The following KSR2 variants were observed in gnomAD, a reference collection of about 807,000 sequenced individuals.
KSR2 encodes kinase suppressor of ras 2.
A neutral mutation model predicts 107.8 loss-of-function variants in KSR2; 25 were observed. The observed-to-expected ratio is 0.23, with a 90% CI of 0.17 to 0.32. The LOEUF (loss-of-function observed/expected upper bound fraction) is 0.32, where lower values mean the gene tolerates loss of function less well. Among genes scored for constraint, KSR2 ranks in the 10% least tolerant of loss-of-function variants. The pLI is 1.00. For synonymous variants in KSR2, 480 were observed against 507.0 expected (o/e 0.95, Z 0.71); for missense variants, 887 against 1,268.9 (o/e 0.70, Z 4.57).
chr12:117,789,906 A>G (rs945035391), intron 3 of KSR2, among the ~76,000 whole-genome samples: 2 of 152,184 alleles, frequency 1.3e-5, no homozygotes, highest in Non-Finnish European at 2.9e-5. Context: ...ACACACACAC[A>G]CAGCATGTCT....
intron 18 of KSR2, 125 bp downstream of exon 18, chr12:117,471,066 A>C: frequency 8.9e-7 from 1 of 1,128,512 alleles, no homozygotes; most frequent in Non-Finnish European, 1.2e-6. Context: ...CAAGGTTGGA[A>C]TGCATATTTT....
In KSR2 at chr12:117,787,250, C is replaced by G. The variant is rs375103229; in HGVS notation, c.473-25726G>C. ...TCAGTTTGGTCTTGTTCAGTCTTGGCTCTGTAGCATCTTGTGGGATACCAG... is the reference window on the plus strand; with the variant it reads ...TCAGTTTGGTCTTGTTCAGTCTTGGGTCTGTAGCATCTTGTGGGATACCAG... On this transcript the variant is annotated intron_variant, in intron 3 of 19. Transcript: ENST00000339824. Among the ~76,000 whole-genome samples, 17 of 152,254 alleles carry G rather than the reference C, an allele frequency of 1.1e-4. No individual in the cohort carries two copies. The East Asian group carries it at 3.1e-3, about 28-fold the overall frequency.
intron 1 of KSR2, among the ~76,000 whole-genome samples, chr12:117,869,258 G>A (rs1893576263): frequency 6.6e-6 from 1 of 152,050 alleles, no homozygotes; most frequent in Admixed American, 6.5e-5. Context: ...TATAATCCCA[G>A]CTACTCAGGA....
At chr12:117,853,514 C>CT (rs896537945) in intron 3 of KSR2, among the ~76,000 whole-genome samples, 3 of 151,790 alleles carry the variant, frequency 2.0e-5, no homozygotes, top group African/African-American at 7.3e-5. Flanking sequence ...AGCTAATTTT[C>CT]TTTTTTTGGT....
chr12:117,706,077 T>A lies in KSR2; in HGVS notation c.987-38419A>T, dbSNP rs1334578281. On this transcript the variant is annotated intron_variant, in intron 4 of 19. Transcript: ENST00000339824. The stretch of plus-strand genomic sequence containing the variant: ...TTTTTTTTTTGAGACGGAGTCCTGC[T>A]CTGTCGCCCAGGCTGGAGAGCAGTG... 2.1e-5 allele frequency among the ~76,000 whole-genome samples: 3 copies of A among 144,854 alleles called. No homozygotes were observed. The East Asian group carries it at 6.3e-4, about 30-fold the overall frequency.
rs1890852472 is a variant in KSR2 at position 117,802,088 on chromosome 12, G to C, written c.473-40564C>G. Among the ~76,000 whole-genome samples the C allele has an allele frequency of 2.0e-5, 3 of 152,128 alleles. No individual in the cohort carries two copies. In the South Asian group the frequency reaches 6.2e-4, roughly 32 times the overall value. On this transcript the variant is annotated intron_variant, in intron 3 of 19. Coordinates refer to ENST00000339824, the MANE Select transcript of KSR2 (RefSeq NM_173598.6). ...TCTGGAGATCAGAATTTCAAAATAG[G>C]TCTTACTAGGCAAAAATCAAGGTGT...
intron 9 of KSR2, among the ~76,000 whole-genome samples, chr12:117,540,680 G>C (rs1188361771): frequency 1.3e-5 from 2 of 152,106 alleles, no homozygotes; most frequent in African/African-American, 4.8e-5. Flanking sequence ...GGAGAGGAAA[G>C]TCATGTGAAG....
chr12:117,604,312 C>T lies in KSR2; in HGVS notation c.1172-21953G>A, dbSNP rs530168759. Reference sequence around the variant, plus strand: ...TACACTTCCCAGCATGTCAGAATGGCCACCCTGCCGGCTGCAAAGCTTTGT... The same window carrying T: ...TACACTTCCCAGCATGTCAGAATGGTCACCCTGCCGGCTGCAAAGCTTTGT... On this transcript the variant is annotated intron_variant, in intron 5 of 19. Coordinates refer to ENST00000339824, the MANE Select transcript of KSR2 (RefSeq NM_173598.6). Among the ~76,000 whole-genome samples the T allele has an allele frequency of 3.9e-5, 6 of 152,262 alleles. No individual in the cohort carries two copies. The South Asian group carries it at 1.2e-3, about 32-fold the overall frequency.
chr12:117,876,463 G>GC (rs1209068052), intron 1 of KSR2, among the ~76,000 whole-genome samples: 1 of 152,166 alleles, frequency 6.6e-6, no homozygotes, highest in Non-Finnish European at 1.5e-5. Flanking sequence ...GGAAGGAAGA[G>GC]CCCCCCTCTC....
chr12:117,611,445 G>GACACACACACACAGACACACACAC (rs1555221601), intron 5 of KSR2, among the ~76,000 whole-genome samples: 6 of 144,500 alleles, frequency 4.2e-5, no homozygotes, highest in African/African-American at 1.5e-4. Context: ...TGCACGCACA[G>GACACACACACACAGACACACACAC]ACACACACAC....
intron 16 of KSR2, among the ~76,000 whole-genome samples, chr12:117,481,432 C>CCT (rs767016474): frequency 6.6e-6 from 1 of 151,604 alleles, no homozygotes; most frequent in African/African-American, 2.4e-5. Flanking sequence ...ACATCAGAGA[C>CCT]CTCTCTCTCT....
chr12:117,692,531 C>T (rs1885873446), intron 4 of KSR2, among the ~76,000 whole-genome samples: 1 of 137,180 alleles, frequency 7.3e-6, no homozygotes, highest in Non-Finnish European at 1.6e-5. Flanking sequence ...TATACACACA[C>T]ACATATATAT....
intron 3 of KSR2, among the ~76,000 whole-genome samples, chr12:117,777,346 G>C (rs1295240195): frequency 1.3e-5 from 2 of 151,794 alleles, no homozygotes; most frequent in Non-Finnish European, 2.9e-5. Flanking sequence ...CTATGCTTTG[G>C]GGCCATTGTA....
chr12:117,490,009 A>G (rs1872663143), intron 14 of KSR2, among the ~76,000 whole-genome samples: 1 of 152,226 alleles, frequency 6.6e-6, no homozygotes, highest in Admixed American at 6.5e-5. Flanking sequence ...CTTAGGACCT[A>G]TATCACCTCC....
chr12:117,572,239 G>A (rs1291975475), intron 7 of KSR2, among the ~76,000 whole-genome samples: 1 of 152,190 alleles, frequency 6.6e-6, no homozygotes, highest in Non-Finnish European at 1.5e-5. Flanking sequence ...AGGTCCTCCA[G>A]CAGAGTACCC....
intron 4 of KSR2, among the ~76,000 whole-genome samples, chr12:117,757,809 GTATGGTA>G (rs1252895578): frequency 6.6e-6 from 1 of 152,192 alleles, no homozygotes; most frequent in Admixed American, 6.5e-5. Context: ...ATAGACTACA[GTATGGTA>G]TAAAACATAA....
chr12:117,776,169 C>G (rs573987294), intron 3 of KSR2, among the ~76,000 whole-genome samples: 33 of 152,198 alleles, frequency 2.2e-4, no homozygotes, highest in Admixed American at 1.2e-3. Flanking sequence ...AGCCCCAACC[C>G]CATATTCCTT....
chr12:117,710,949 T>C (rs1197519864), intron 4 of KSR2, among the ~76,000 whole-genome samples: 1 of 152,124 alleles, frequency 6.6e-6, no homozygotes, highest in Non-Finnish European at 1.5e-5. Flanking sequence ...CACTCCATTC[T>C]CCACTTGGCT....
intron 5 of KSR2, among the ~76,000 whole-genome samples, chr12:117,642,005 T>A (rs939600895): frequency 6.6e-6 from 1 of 152,182 alleles, no homozygotes; most frequent in East Asian, 1.9e-4. Context: ...CTGCCTTAAA[T>A]GCACTTCCAT....
Sources: allele counts gnomAD v4.1 joint callset (sites outside exome capture counted in the v4.1 genomes callset), GRCh38; gene constraint gnomAD v4.1.1; transcripts MANE v1.5; gene names NCBI Gene and HGNC (gene_info 2026-07-23, HGNC 2026-07-21).